The following CDC14B variants were observed in gnomAD, a reference collection of about 807,000 sequenced individuals.
CDC14B encodes the protein dual specificity protein phosphatase CDC14B.
Under a neutral mutation model 64.2 loss-of-function variants are expected in CDC14B, and 22 were observed. The ratio of observed to expected loss-of-function variants is 0.34; its 90% CI spans 0.24 to 0.49. CDC14B has a LOEUF of 0.49. Ranked by LOEUF, CDC14B falls within the 20% of genes least tolerant of loss-of-function variation. The pLI is 0.99. For synonymous variants in CDC14B, 191 were observed against 215.8 expected (o/e 0.89, Z 1.01); for missense variants, 498 against 629.9 (o/e 0.79, Z 2.24).
intron 1 of CDC14B, among the ~76,000 whole-genome samples, chr9:96,608,903 AC>A (rs1847137207): frequency 6.6e-6 from 1 of 151,614 alleles, no homozygotes; most frequent in African/African-American, 2.4e-5. Flanking sequence ...ACACACACAC[AC>A]ACACACACAC....
intron 1 of CDC14B, among the ~76,000 whole-genome samples, chr9:96,576,173 G>T (rs992127073): frequency 6.6e-6 from 1 of 152,034 alleles, no homozygotes; most frequent in African/African-American, 2.4e-5. Flanking sequence ...CAGCTACTTG[G>T]GGAGGGTGAG....
chr9:96,577,333 C>T (rs1844875111), intron 1 of CDC14B, among the ~76,000 whole-genome samples: 2 of 151,676 alleles, frequency 1.3e-5, no homozygotes, highest in South Asian at 4.2e-4. Flanking sequence ...AAACCCATTT[C>T]TAAATAACTT....
chr9:96,607,812 C>CTGGAG (rs1304991207), intron 1 of CDC14B, among the ~76,000 whole-genome samples: 3 of 152,144 alleles, frequency 2.0e-5, no homozygotes, highest in Non-Finnish European at 2.9e-5. Flanking sequence ...CTCCCTCATG[C>CTGGAG]TGGAGTAGAG....
chr9:96,509,002 C>T (rs1233395861), intron 13 of CDC14B, among the ~76,000 whole-genome samples: 1 of 147,950 alleles, frequency 6.8e-6, no homozygotes, highest in Non-Finnish European at 1.5e-5. Context: ...TGAAAAGGTG[C>T]CCCCTTCTAC....
At chr9:96,537,032 G>A (rs1241173747) in intron 7 of CDC14B, among the ~76,000 whole-genome samples, 1 of 152,130 alleles carries the variant, frequency 6.6e-6, no homozygotes, top group Non-Finnish European at 1.5e-5. Context: ...GCTTACATCT[G>A]TAATCCCAGC....
At chr9:96,534,271 G>A in intron 8 of CDC14B, 114 bp from the exon 9 acceptor site, 1 of 791,632 alleles carries the variant, frequency 1.3e-6, no homozygotes, top group Non-Finnish European at 2.0e-6. Flanking sequence ...ATACCAATTT[G>A]ATTATAACTG....
chr9:96,615,659 C>T lies in CDC14B; in HGVS notation c.160+3560G>A, dbSNP rs568514343. On this transcript the variant is annotated intron_variant, in intron 1 of 13. Coordinates refer to ENST00000375241, the MANE Select transcript of CDC14B (RefSeq NM_033331.4). Reference sequence around the variant, plus strand: ...GCATTGCTTGTGGGAACGCTGGCGGCGTAGCCATTCGGAAAAAGAGTCTGA... The same window carrying T: ...GCATTGCTTGTGGGAACGCTGGCGGTGTAGCCATTCGGAAAAAGAGTCTGA... Among the ~76,000 whole-genome samples the T allele has an allele frequency of 2.8e-4, 43 of 152,250 alleles. 2 individuals are homozygous for T. The South Asian group carries it at 8.9e-3, about 32-fold the overall frequency.
intron 1 of CDC14B, among the ~76,000 whole-genome samples, chr9:96,608,117 G>A (rs1185733060): frequency 6.6e-6 from 1 of 152,192 alleles, no homozygotes; most frequent in Non-Finnish European, 1.5e-5. Flanking sequence ...GTGTGCTAGT[G>A]TCAATTCCCA....
At chr9:96,531,091 G>C (rs1838402615) in intron 9 of CDC14B, among the ~76,000 whole-genome samples, 1 of 152,120 alleles carries the variant, frequency 6.6e-6, no homozygotes, top group African/African-American at 2.4e-5. Context: ...GTTCGTAAGG[G>C]ATACTGGCCT....
At chr9:96,596,256 G>A (rs1345068468) in intron 1 of CDC14B, among the ~76,000 whole-genome samples, 1 of 151,800 alleles carries the variant, frequency 6.6e-6, no homozygotes, top group Admixed American at 6.6e-5. Context: ...CAGCTACTCA[G>A]GAGGCTGAGA....
At chr9:96,550,044 A>T (rs1213618806) in intron 5 of CDC14B, among the ~76,000 whole-genome samples, 1 of 151,922 alleles carries the variant, frequency 6.6e-6, no homozygotes, top group Non-Finnish European at 1.5e-5. Flanking sequence ...TTACCATTAT[A>T]AAGAAGAGTT....
chr9:96,550,397 C>T (rs572156975), intron 5 of CDC14B, among the ~76,000 whole-genome samples: 1 of 152,316 alleles, frequency 6.6e-6, no homozygotes, highest in East Asian at 1.9e-4. Context: ...AGTAAGTCCA[C>T]AGGCAGGCCT....
chr9:96,547,016 C>A (rs905935495), intron 5 of CDC14B, among the ~76,000 whole-genome samples: 3 of 151,658 alleles, frequency 2.0e-5, no homozygotes, highest in Non-Finnish European at 4.4e-5. Flanking sequence ...GAGCCAAGAT[C>A]GTGCCACTGC....
At chr9:96,520,681 AAAAAC>A in intron 12 of CDC14B, among the ~76,000 whole-genome samples, 1 of 152,320 alleles carries the variant, frequency 6.6e-6, no homozygotes, top group South Asian at 2.1e-4. Flanking sequence ...GCTGATTCTG[AAAAAC>A]AAAACAAAAA....
chr9:96,522,429 G>A, intron 12 of CDC14B, 77 bp downstream of exon 12: 1 of 948,088 alleles, frequency 1.1e-6, no homozygotes, highest in Non-Finnish European at 1.7e-6. Context: ...GGAGAAAAAT[G>A]TACAGGAAAA....
rs1838902158 is a variant in CDC14B at position 96,533,958 on chromosome 9, A to C, written c.915T>G (p.Asn305Lys). 2 of 1,612,644 alleles carry C rather than the reference A, an allele frequency of 1.2e-6. No homozygotes were observed. The highest frequency in any genetic ancestry group is 1.7e-6 in the Non-Finnish European group (2 of 1,179,190). The change falls in exon 9 of 14, where the codon AAT (asparagine) becomes AAG (lysine). Residue 305 changes from asparagine to lysine, a missense_variant. Physicochemically the swap from Asn to Lys is moderately conservative, Grantham distance 94. Coordinates refer to ENST00000375241, the MANE Select transcript of CDC14B (RefSeq NM_033331.4). ...IVKEFLDICE[N>K]AEGAIAVHCK... ...AATGTACTGCAATGGCACCCTCAGC[A>C]TTTTCACAGATATCTAGGAATTCTT...
At chr9:96,563,655 G>A (rs58207530) in intron 3 of CDC14B, among the ~76,000 whole-genome samples, 7,291 of 81,494 alleles carry the variant, frequency 0.089, 777 homozygotes, top group African/African-American at 0.35. Context: ...TGTCTCACGG[G>A]AAAAAAAAAA....
intron 4 of CDC14B, among the ~76,000 whole-genome samples, chr9:96,561,528 G>C (rs1333410586): frequency 6.6e-6 from 1 of 152,170 alleles, no homozygotes. Context: ...GCCCAGGCTG[G>C]AGTGCAGTGG....
chr9:96,582,475 T>C (rs1385710494), intron 1 of CDC14B, among the ~76,000 whole-genome samples: 1 of 152,206 alleles, frequency 6.6e-6, no homozygotes, highest in Non-Finnish European at 1.5e-5. Context: ...TTTTAAAAAG[T>C]TCTAAGTTGC....
Sources: gnomAD v4.1 joint callset for allele counts (sites outside exome capture counted in the v4.1 genomes callset) on GRCh38, gnomAD v4.1.1 for gene constraint, MANE v1.5 for transcripts, NCBI Gene and HGNC (gene_info 2026-07-23, HGNC 2026-07-21) for gene names.